The following VPS13D variants were observed in gnomAD, a reference collection of about 807,000 sequenced individuals.
The protein encoded by VPS13D is vacuolar protein sorting 13 homolog D.
VPS13D carries 187 observed loss-of-function variants against 461.9 expected under a neutral mutation model. The observed-to-expected ratio is 0.40, with a 90% CI of 0.36 to 0.46. VPS13D has a LOEUF of 0.46. Among genes scored for constraint, VPS13D ranks in the 20% least tolerant of loss-of-function variants. VPS13D has a pLI of 0.60. For missense variants in VPS13D, 4,711 were observed against 5,364.9 expected (o/e 0.88, Z 3.81); for synonymous variants, 1,951 against 1,986.3 (o/e 0.98, Z 0.47).
chr1:12,250,217 C>A (rs1190895626), intron 6 of VPS13D, among the ~76,000 whole-genome samples: 2 of 152,158 alleles, frequency 1.3e-5, no homozygotes, highest in African/African-American at 4.8e-5. Flanking sequence ...AGTTTTTATG[C>A]AGCTTAATCT....
chr1:12,401,649 G>A lies in VPS13D; in HGVS notation c.11826G>A (p.Glu3942=), dbSNP rs770736777. The change falls in exon 62 of 70, where the codon GAG becomes GAA. Residue 3942 remains glutamate, a synonymous_variant. Transcript: ENST00000620676. ...ITAQRFTVQI[E]EKLLLKLLSF... is the part of the protein sequence containing the mutation. ...CTCAGAGATTCACAGTGCAAATTGA[G>A]GAGAAACTGCTCCTCAAGCTGCTAA... The A allele has an allele frequency of 3.1e-6, 5 of 1,613,526 alleles. No homozygotes were observed. In the East Asian group the frequency reaches 1.1e-4, roughly 36 times the overall value.
chr1:12,481,928 A>C (rs1021665602), intron 67 of VPS13D, among the ~76,000 whole-genome samples: 1 of 152,204 alleles, frequency 6.6e-6, no homozygotes, highest in African/African-American at 2.4e-5. Flanking sequence ...GTCTTGCTTC[A>C]TGGCACTTTA....
chr1:12,311,201 C>G (rs1642739024), intron 27 of VPS13D, among the ~76,000 whole-genome samples: 2 of 152,114 alleles, frequency 1.3e-5, no homozygotes, highest in African/African-American at 4.8e-5. Context: ...TAGGTGTGAG[C>G]CACCACACCT....
rs1644369949 is a variant in VPS13D, at chr1:12,387,931, AAGGTATC to A, written c.11634+1600_11634+1606del. Among the ~76,000 whole-genome samples, 3 of 152,238 alleles carry A rather than the reference AAGGTATC, an allele frequency of 2.0e-5. 1 individual carries two copies. The South Asian group carries it at 6.2e-4, about 32-fold the overall frequency. On this transcript the variant is annotated intron_variant, in intron 60 of 69. Transcript: ENST00000620676. ...ATGAGCAACATCTTTAAAGTACTGA[AAGGTATC>A]AGCAGACCCATGCTACAAAAAATGT... is the stretch of plus-strand genomic sequence containing the variant.
chr1:12,502,643 A>AC lies in VPS13D; in HGVS notation c.12795-4210_12795-4209insC, dbSNP rs1237278334. Among the ~76,000 whole-genome samples, 1 of 141,588 alleles carries AC rather than the reference A, an allele frequency of 7.1e-6. No homozygotes were observed. The highest frequency in any genetic ancestry group is 2.0e-4 in the East Asian group (1 of 4,966). 92.9% of individuals were successfully genotyped at this position (141,588 alleles called of 152,430 possible). ...AGGTATATAAATGAGTTAATATCGA[A>AC]AAAAAAAAAAAAGAGCAGGAGGAAA... On this transcript the variant is annotated intron_variant, in intron 68 of 69. Transcript: ENST00000620676. This position sits in a 1 kb window ranked among gnomAD's most constrained non-coding sequence, Gnocchi z 4.3.
rs374034611 is a variant in VPS13D, at chr1:12,443,975, A to T, written c.12334-12023A>T. ...ATTTTCCCACCTCAGCCCCCTGAGT[A>T]GCTGGGATTACAGGCACCCGCCATC... On this transcript the variant is annotated intron_variant, in intron 65 of 69. Transcript: ENST00000620676. Among the ~76,000 whole-genome samples, 66 of 151,752 alleles carry T rather than the reference A, an allele frequency of 4.3e-4. 1 individual carries two copies. The East Asian group carries it at 5.4e-3, about 13-fold the overall frequency.
At chr1:12,316,888 A>T (rs867586824) in intron 30 of VPS13D, among the ~76,000 whole-genome samples, 110 of 152,106 alleles carry the variant, frequency 7.2e-4, no homozygotes, top group African/African-American at 2.6e-3. Flanking sequence ...CTGATGTACT[A>T]ATAGGGCCTG....
At chr1:12,497,219 TCGTCCTGTTTCAGAGAGAAAAC>T in intron 67 of VPS13D, 1 of 231,000 alleles carries the variant, frequency 4.3e-6, no homozygotes, top group Non-Finnish European at 8.6e-6. Context: ...GTAGGTGTCA[TCGTCCTGTTTCAGAGAGAAAAC>T]GGAAACTGAG....
rs757652596 is a variant in VPS13D, at chr1:12,244,396, G to A, written c.326G>A (p.Arg109His). Residue 109 changes from arginine to histidine, a missense_variant, in exon 4 of 70, where the codon CGT (arginine) becomes CAT (histidine). By Grantham distance (29) the Arg-to-His change is conservative (BLOSUM62 0). Coordinates refer to ENST00000620676, the MANE Select transcript of VPS13D (RefSeq NM_015378.4). ...AAGGAGAAGCTGTTGGAAAGGGAAC[G>A]TAAGAAAGCACTACTTCAAGCCCTG... ...DEKEKLLERE[R>H]KKALLQALEE... 3 of 1,614,050 alleles carry A rather than the reference G, an allele frequency of 1.9e-6. No individual in the cohort carries two copies. Among genetic ancestry groups the A allele is most frequent in the African/African-American group, 1.3e-5 (1 of 74,926 alleles).
At position 12,498,445 on chromosome 1, in the gene VPS13D, TAA is replaced by T. The variant is rs377713382; in HGVS notation, c.12794+815_12794+816del. Among the ~76,000 whole-genome samples the T allele has an allele frequency of 2.2e-3, 332 of 152,312 alleles. 2 individuals are homozygous for T. The highest frequency in any genetic ancestry group is 7.6e-3 in the African/African-American group (316 of 41,578). On this transcript the variant is annotated intron_variant, in intron 68 of 69. Transcript: ENST00000620676. ...TCAGAGTCATTGTTAGGGACAGTGTTAAGTAGATCTCATCTCATAGTTTCATG... is the reference window on the plus strand; with the variant it reads ...TCAGAGTCATTGTTAGGGACAGTGTTGTAGATCTCATCTCATAGTTTCATG...
intron 9 of VPS13D, 73 bp from the exon 10 acceptor site, chr1:12,257,862 G>T (rs568506977): frequency 6.4e-7 from 1 of 1,557,896 alleles, no homozygotes; most frequent in South Asian, 1.2e-5. Flanking sequence ...GGGTTATGTG[G>T]ATTGTCCTGG....
chr1:12,466,732 A>T (rs1645489088), intron 67 of VPS13D, among the ~76,000 whole-genome samples: 1 of 152,182 alleles, frequency 6.6e-6, no homozygotes, highest in Non-Finnish European at 1.5e-5. Context: ...TCTAGTTCTA[A>T]TCTTTGGGCA....
chr1:12,448,167 C>T (rs1404934955), intron 65 of VPS13D, among the ~76,000 whole-genome samples: 2 of 152,116 alleles, frequency 1.3e-5, no homozygotes, highest in East Asian at 1.9e-4. Flanking sequence ...CTCATGTTCA[C>T]CCAGCTGATA....
intron 1 of VPS13D, among the ~76,000 whole-genome samples, chr1:12,231,446 T>G (rs2101163149): frequency 6.6e-6 from 1 of 152,362 alleles, no homozygotes; most frequent in African/African-American, 2.4e-5. Flanking sequence ...AAATCTGTGC[T>G]TTGCATTCTT....
chr1:12,263,648 C>G (rs1641182133), intron 13 of VPS13D, among the ~76,000 whole-genome samples: 1 of 152,062 alleles, frequency 6.6e-6, no homozygotes, highest in South Asian at 2.1e-4. Flanking sequence ...TTATTTCGGT[C>G]CATAAAACAG....
Position 12,328,577 on chromosome 1 carries a change from G to A in VPS13D, c.8197+723G>A, listed in dbSNP as rs149885469. On this transcript the variant is annotated intron_variant, in intron 36 of 69. Transcript: ENST00000620676. ...TTTTATGAGACGGAGTTTCGCTCTT[G>A]TTGCCCAGGCTGGAGTGCAGTGGTG... 6.6e-3 allele frequency among the ~76,000 whole-genome samples: 1,011 copies of A among 152,064 alleles called. 9 individuals carry two copies. Among genetic ancestry groups the A allele is most frequent in the Non-Finnish European group, 0.012 (788 of 67,986 alleles).
chr1:12,269,327 C>T (rs1641365570), intron 16 of VPS13D, among the ~76,000 whole-genome samples: 1 of 152,006 alleles, frequency 6.6e-6, no homozygotes, highest in African/African-American at 2.4e-5. Flanking sequence ...TTCTCAATTG[C>T]AAAACATTCT....
intron 32 of VPS13D, among the ~76,000 whole-genome samples, chr1:12,321,291 CAT>C (rs1643028935): frequency 6.6e-6 from 1 of 152,024 alleles, no homozygotes; most frequent in Admixed American, 6.5e-5. Context: ...GGAAAATAAT[CAT>C]ATATGATTTC....
At chr1:12,368,644 A>G in intron 53 of VPS13D, 53 bp downstream of exon 53, 1 of 1,586,464 alleles carries the variant, frequency 6.3e-7, no homozygotes, top group Non-Finnish European at 8.6e-7. Context: ...GGGAGGGTGG[A>G]GTGTGTACTG....
Sources: gnomAD v4.1 joint callset for allele counts (sites outside exome capture counted in the v4.1 genomes callset) on GRCh38, gnomAD v4.1.1 for gene constraint, Gnocchi (gnomAD v3.1) non-coding constraint, MANE v1.5 for transcripts, NCBI Gene and HGNC (gene_info 2026-07-23, HGNC 2026-07-21) for gene names.